CDH13: variants seen among roughly 807,000 people sequenced by gnomAD.
CDH13 encodes the protein cadherin-13.
Under a neutral mutation model 63.8 loss-of-function variants are expected in CDH13, and 24 were observed. The ratio of observed to expected loss-of-function variants is 0.38; its 90% CI spans 0.27 to 0.53. The LOEUF (loss-of-function observed/expected upper bound fraction) is 0.53. Ranked by LOEUF, CDH13 falls within the 20% of genes least tolerant of loss-of-function variation. The probability of loss-of-function intolerance (pLI) is 0.85; values close to 1 mark genes in which losing one functional copy is unlikely to be tolerated. For missense variants in CDH13, 1,049 were observed against 903.1 expected, an observed-to-expected ratio of 1.16 and a Z score of -2.07; for synonymous variants, 503 against 355.3, an observed-to-expected ratio of 1.42 and a Z score of -4.67.
At chr16:83,224,344 C>A (rs2039783892) in intron 5 of CDH13, among the ~76,000 whole-genome samples, 1 of 152,196 alleles carries the variant, frequency 6.6e-6, no homozygotes, top group African/African-American at 2.4e-5. Context: ...CGTATAATGA[C>A]TTCTTTTCCT....
At chr16:83,173,108 A>G (rs907290138) in intron 4 of CDH13, among the ~76,000 whole-genome samples, 2 of 152,122 alleles carry the variant, frequency 1.3e-5, no homozygotes, top group African/African-American at 2.4e-5. Context: ...CCAGGCTTAT[A>G]TGGATTCATG....
chr16:83,504,887 C>T (rs1241121217), intron 7 of CDH13, among the ~76,000 whole-genome samples: 1 of 152,178 alleles, frequency 6.6e-6, no homozygotes, highest in Non-Finnish European at 1.5e-5. Context: ...AGGTAAGTCT[C>T]ATGGTGACAT....
chr16:83,762,349 T>C (rs1018226951), intron 11 of CDH13, among the ~76,000 whole-genome samples: 1 of 151,874 alleles, frequency 6.6e-6, no homozygotes, highest in Non-Finnish European at 1.5e-5. Context: ...AAGACTTCAA[T>C]GAACACAGAA....
intron 1 of CDH13, among the ~76,000 whole-genome samples, chr16:82,696,455 C>A (rs968569623): frequency 6.6e-6 from 1 of 152,164 alleles, no homozygotes. Flanking sequence ...TTGGTAGTCA[C>A]AAGGTCTTTG....
chr16:83,531,694 C>T (rs2075087605), intron 7 of CDH13, among the ~76,000 whole-genome samples: 1 of 152,120 alleles, frequency 6.6e-6, no homozygotes, highest in African/African-American at 2.4e-5. Context: ...TGGCCACTAA[C>T]CCAGAAATGA....
At chr16:82,829,719 G>C (rs1262987625) in intron 1 of CDH13, 1 of 152,058 alleles carries the variant, frequency 6.6e-6, no homozygotes, top group Admixed American at 6.6e-5. Context: ...TTGCTTACTA[G>C]ATATTACATG....
At chr16:83,742,734 G>A (rs1171896796) in intron 10 of CDH13, among the ~76,000 whole-genome samples, 2 of 152,154 alleles carry the variant, frequency 1.3e-5, no homozygotes, top group Non-Finnish European at 2.9e-5. Context: ...TGGCTCCACC[G>A]TTCATTGTCT....
intron 1 of CDH13, among the ~76,000 whole-genome samples, chr16:82,723,289 G>A (rs1040971468): frequency 2.0e-5 from 3 of 152,208 alleles, no homozygotes; most frequent in Non-Finnish European, 2.9e-5. Flanking sequence ...TCAGGGCTGT[G>A]TTTCTTTGCT....
chr16:83,036,437 G>A (rs182753911), intron 3 of CDH13, among the ~76,000 whole-genome samples: 92 of 152,010 alleles, frequency 6.1e-4, no homozygotes, highest in African/African-American at 1.9e-3. Context: ...GGTGTGAGCC[G>A]CAGTGCCCAA....
intron 6 of CDH13, among the ~76,000 whole-genome samples, chr16:83,355,402 C>T (rs1159333557): frequency 6.6e-6 from 1 of 152,162 alleles, no homozygotes; most frequent in Non-Finnish European, 1.5e-5. Flanking sequence ...TTCTCTTTCT[C>T]AGCAACACAG....
intron 2 of CDH13, among the ~76,000 whole-genome samples, chr16:82,888,417 A>C (rs1482703301): frequency 6.6e-6 from 1 of 152,086 alleles, no homozygotes; most frequent in African/African-American, 2.4e-5. Context: ...TCCTCTGTCA[A>C]ATGAAGGGAC....
intron 1 of CDH13, among the ~76,000 whole-genome samples, chr16:82,831,373 C>T (rs1231298362): frequency 1.3e-5 from 2 of 151,800 alleles, no homozygotes; most frequent in African/African-American, 2.4e-5. Flanking sequence ...ATCTAAGAAG[C>T]TTCTATTTGA....
At chr16:82,725,996 G>A (rs1387952472) in intron 1 of CDH13, among the ~76,000 whole-genome samples, 1 of 152,164 alleles carries the variant, frequency 6.6e-6, no homozygotes, top group East Asian at 1.9e-4. Context: ...ACAGAGGGTG[G>A]CCGTGCCATT....
chr16:83,245,876 C>G (rs1248168812), intron 5 of CDH13, among the ~76,000 whole-genome samples: 1 of 152,014 alleles, frequency 6.6e-6, no homozygotes, highest in Non-Finnish European at 1.5e-5. Context: ...CTGAGTAGCC[C>G]GGACTACAGG....
intron 6 of CDH13, among the ~76,000 whole-genome samples, chr16:83,393,515 A>G (rs753578489): frequency 1.5e-4 from 23 of 152,208 alleles, no homozygotes; most frequent in Non-Finnish European, 2.2e-4. Context: ...CTGACGTGCC[A>G]TGGCTGCCAG....
At chr16:83,770,478 A>C (rs1914687638) in intron 11 of CDH13, among the ~76,000 whole-genome samples, 1 of 152,320 alleles carries the variant, frequency 6.6e-6, no homozygotes, top group Admixed American at 6.5e-5. Flanking sequence ...TCCAAGAGAG[A>C]GTTCTTAGAT....
At position 83,467,756 on chromosome 16, in the gene CDH13, C is replaced by A. The variant is rs112041906; in HGVS notation, c.782-18721C>A. 5.3e-3 allele frequency among the ~76,000 whole-genome samples: 801 copies of A among 152,264 alleles called. 8 individuals carry two copies. The highest frequency in any genetic ancestry group is 0.018 in the African/African-American group (768 of 41,548). ...GCTGAGTCCTCAGGACCCAACCCAC[C>A]ACACACCGGCTGTGTAACCCTGAGC... is the stretch of plus-strand genomic sequence containing the variant. On this transcript the variant is annotated intron_variant, in intron 6 of 13. Coordinates refer to ENST00000567109, the MANE Select transcript of CDH13 (RefSeq NM_001257.5).
At chr16:82,869,664 C>G (rs762086445) in intron 2 of CDH13, among the ~76,000 whole-genome samples, 2 of 152,024 alleles carry the variant, frequency 1.3e-5, no homozygotes, top group Admixed American at 6.5e-5. Context: ...GAATAGCTAA[C>G]CCAGAAATCT....
intron 4 of CDH13, among the ~76,000 whole-genome samples, chr16:83,188,432 C>T (rs111551997): frequency 7.9e-5 from 12 of 152,068 alleles, no homozygotes; most frequent in African/African-American, 2.4e-4. Context: ...CCAGGCTCTG[C>T]GCCTCTCTGA....
Sources: gnomAD v4.1 joint callset for allele counts (sites outside exome capture counted in the v4.1 genomes callset) on GRCh38, gnomAD v4.1.1 for gene constraint, MANE v1.5 for transcripts, NCBI Gene and HGNC (gene_info 2026-07-23, HGNC 2026-07-21) for gene names.